Variants in KIAA0825 observed in about 807,000 individuals in gnomAD.
KIAA0825 encodes the protein KIAA0825, also known as uncharacterized protein KIAA0825.
A neutral mutation model predicts 147.6 loss-of-function variants in KIAA0825; 119 were observed. The observed-to-expected ratio is 0.81, with a 90% CI of 0.69 to 0.94. The LOEUF is 0.94. Among genes scored for constraint, KIAA0825 ranks in the 40% least tolerant of loss-of-function variants. KIAA0825 has a pLI of 0.00. For missense variants in KIAA0825, 1,381 were observed against 1,472.7 expected, an observed-to-expected ratio of 0.94 and a Z score of 1.02; for synonymous variants, 470 against 518.1, an observed-to-expected ratio of 0.91 and a Z score of 1.26.
chr5:94,477,120 T>A lies in KIAA0825; in HGVS notation c.1218A>T (p.Pro406=), dbSNP rs1469182903. 6.5e-7 allele frequency: 1 copy of A among 1,550,074 alleles called. No homozygotes were observed. Among genetic ancestry groups the A allele is most frequent in the African/African-American group, 1.4e-5 (1 of 72,858 alleles). Residue 406 remains proline, a synonymous_variant, in exon 7 of 21, where the codon CCA becomes CCT. Transcript: ENST00000682413. ...TTTTTCCTTCACTTACCTCTTTTCC[T>A]GGTAGTGATTGCTCGGAAGGAATAT... The part of the protein sequence containing the change: ...ETNIPSEQSL[P]GKEATLLDFG...
At chr5:94,478,813 C>A (rs1466943682) in intron 6 of KIAA0825, among the ~76,000 whole-genome samples, 1 of 152,048 alleles carries the variant, frequency 6.6e-6, no homozygotes, top group Non-Finnish European at 1.5e-5. Context: ...GAAGACTTTT[C>A]AGGACATGAA....
chr5:94,380,135 G>T (rs1335171480), intron 20 of KIAA0825, among the ~76,000 whole-genome samples: 1 of 152,086 alleles, frequency 6.6e-6, no homozygotes, highest in Non-Finnish European at 1.5e-5. Context: ...TTACAGGCGT[G>T]AGCCACCGTG....
At chr5:94,339,987 T>A (rs1782202228) in intron 20 of KIAA0825, among the ~76,000 whole-genome samples, 1 of 152,178 alleles carries the variant, frequency 6.6e-6, no homozygotes, top group Admixed American at 6.6e-5. Context: ...TTAAAAGAAA[T>A]CATTTTTGAA....
chr5:94,266,107 A>G (rs1181910511), intron 20 of KIAA0825, among the ~76,000 whole-genome samples: 2 of 152,196 alleles, frequency 1.3e-5, no homozygotes, highest in Non-Finnish European at 2.9e-5. Context: ...ATTTTCCCTG[A>G]AATTAACATA....
At position 94,562,461 on chromosome 5, in the gene KIAA0825, T is replaced by C. The variant is rs549498046; in HGVS notation, c.-2+19972A>G. 2.0e-5 allele frequency among the ~76,000 whole-genome samples: 3 copies of C among 152,328 alleles called. 1 individual carries two copies. In the South Asian group the frequency reaches 6.2e-4, roughly 32 times the overall value. On this transcript the variant is annotated intron_variant, in intron 2 of 20. Coordinates refer to ENST00000682413, the MANE Select transcript of KIAA0825 (RefSeq NM_001145678.3). ...AGCTGCAAATAATAGAGAGTGTCAG[T>C]GTCAATTTTGCTTTCTCACACTTGC...
chr5:94,266,627 G>A (rs6556844), intron 20 of KIAA0825, among the ~76,000 whole-genome samples: 130,793 of 152,204 alleles, frequency 0.86, 56,312 homozygotes, highest in East Asian at 0.89. Context: ...AACAGATTCA[G>A]TGCAGAAGCA....
chr5:94,246,937 T>C (rs1269293245), intron 20 of KIAA0825, among the ~76,000 whole-genome samples: 3 of 152,172 alleles, frequency 2.0e-5, no homozygotes, highest in Admixed American at 2.0e-4. Flanking sequence ...GATATACAGT[T>C]TGGAAGGAAA....
At chr5:94,311,659 T>C (rs1285929090) in intron 20 of KIAA0825, among the ~76,000 whole-genome samples, 3 of 151,640 alleles carry the variant, frequency 2.0e-5, no homozygotes, top group Admixed American at 1.3e-4. Flanking sequence ...CATTGTATAA[T>C]ATAATTTCTA....
intron 2 of KIAA0825, among the ~76,000 whole-genome samples, chr5:94,575,276 G>A (rs1274200358): frequency 2.0e-5 from 3 of 151,372 alleles, no homozygotes; most frequent in African/African-American, 7.3e-5. Flanking sequence ...TGTGGGGCGA[G>A]ACAACAGAGA....
chr5:94,412,576 T>C (rs957116539), intron 15 of KIAA0825, among the ~76,000 whole-genome samples: 1 of 151,890 alleles, frequency 6.6e-6, no homozygotes, highest in Non-Finnish European at 1.5e-5. Context: ...AATTTTTGTA[T>C]TTTTAGTAGA....
intron 3 of KIAA0825, among the ~76,000 whole-genome samples, chr5:94,531,507 T>G (rs955360767): frequency 2.6e-5 from 4 of 152,082 alleles, no homozygotes; most frequent in Admixed American, 6.5e-5. Flanking sequence ...CCAGAAAAAG[T>G]TTAGGCTACT....
At chr5:94,364,163 A>T (rs1745470857) in intron 20 of KIAA0825, among the ~76,000 whole-genome samples, 1 of 151,992 alleles carries the variant, frequency 6.6e-6, no homozygotes, top group African/African-American at 2.4e-5. Context: ...ACATCAACGT[A>T]TATAATGTAG....
intron 11 of KIAA0825, among the ~76,000 whole-genome samples, chr5:94,463,561 A>G (rs946681956): frequency 6.6e-6 from 1 of 151,428 alleles, no homozygotes; most frequent in Non-Finnish European, 1.5e-5. Context: ...CTAATCCAAT[A>G]TATATGGAGA....
chr5:94,337,853 T>G (rs556641523), intron 20 of KIAA0825, among the ~76,000 whole-genome samples: 2 of 152,352 alleles, frequency 1.3e-5, no homozygotes, highest in South Asian at 4.1e-4. Context: ...TCATTCTAAG[T>G]GCTTTTGAAG....
At chr5:94,369,829 C>T (rs1042003663) in intron 20 of KIAA0825, among the ~76,000 whole-genome samples, 47 of 152,078 alleles carry the variant, frequency 3.1e-4, no homozygotes, top group African/African-American at 1.0e-3. Context: ...GAAAAAGAAT[C>T]AGTCTGGCAT....
intron 14 of KIAA0825, among the ~76,000 whole-genome samples, chr5:94,431,891 G>A (rs1412272436): frequency 6.6e-6 from 1 of 152,132 alleles, no homozygotes; most frequent in Non-Finnish European, 1.5e-5. Flanking sequence ...GAGATGAGCT[G>A]GACAAGTTGG....
chr5:94,519,991 G>A (rs1284008478), intron 5 of KIAA0825: 1 of 1,091,518 alleles, frequency 9.2e-7, no homozygotes, highest in African/African-American at 1.6e-5. Flanking sequence ...ATGCAATCAA[G>A]AGAAATTAAA....
At chr5:94,603,489 C>G (rs1030887335) in intron 1 of KIAA0825, among the ~76,000 whole-genome samples, 2 of 152,096 alleles carry the variant, frequency 1.3e-5, no homozygotes, top group Non-Finnish European at 2.9e-5. Flanking sequence ...GTACACAGAC[C>G]AATGACACTA....
At chr5:94,158,251 G>A (rs963063001) in intron 20 of KIAA0825, among the ~76,000 whole-genome samples, 1 of 152,084 alleles carries the variant, frequency 6.6e-6, no homozygotes, top group Non-Finnish European at 1.5e-5. Context: ...ACTCAATAAT[G>A]TCAGAGTTTA....
Sources: allele counts gnomAD v4.1 joint callset (sites outside exome capture counted in the v4.1 genomes callset), GRCh38; gene constraint gnomAD v4.1.1; transcripts MANE v1.5; gene names NCBI Gene and HGNC (gene_info 2026-07-23, HGNC 2026-07-21).